DCDC2: variants seen among roughly 807,000 people sequenced by gnomAD.
DCDC2 encodes doublecortin domain-containing protein 2.
Under a neutral mutation model 50.2 loss-of-function variants are expected in DCDC2, and 40 were observed. The observed-to-expected ratio is 0.80, with a 90% CI of 0.62 to 1.04. DCDC2 has a LOEUF of 1.04. DCDC2 is among the 50% of genes least tolerant of loss of function. DCDC2 has a pLI of 0.00. For missense variants in DCDC2, 570 were observed against 581.9 expected (o/e 0.98, Z 0.21); for synonymous variants, 234 against 210.6 (o/e 1.11, Z -0.96).
chr6:24,257,278 G>GA (rs762842669), intron 7 of DCDC2, among the ~76,000 whole-genome samples: 1 of 152,168 alleles, frequency 6.6e-6, no homozygotes, highest in African/African-American at 2.4e-5. Flanking sequence ...CACAATGTGT[G>GA]AAAAAATTCA....
intron 2 of DCDC2, among the ~76,000 whole-genome samples, chr6:24,330,428 T>C (rs888039751): frequency 4.6e-5 from 7 of 152,310 alleles, no homozygotes; most frequent in African/African-American, 1.7e-4. Flanking sequence ...TCAGGTCACA[T>C]TGTACAAACA....
chr6:24,221,061 T>C lies in DCDC2; in HGVS notation c.923-15959A>G, dbSNP rs189436888. Among the ~76,000 whole-genome samples, 431 of 152,158 alleles carry C rather than the reference T, an allele frequency of 2.8e-3. 2 individuals are homozygous for C. The highest frequency in any genetic ancestry group is 9.4e-3 in the African/African-American group (389 of 41,514). On this transcript the variant is annotated intron_variant, in intron 7 of 9. Transcript: ENST00000378454. ...GGGGATGACAATTTTAGAAGAGATT[T>C]GGGTGGGGACACAGAGCCAAGCCAT...
intron 7 of DCDC2, among the ~76,000 whole-genome samples, chr6:24,247,936 T>C (rs1762717903): frequency 6.6e-6 from 1 of 151,984 alleles, no homozygotes; most frequent in Non-Finnish European, 1.5e-5. Context: ...ATTAGCTGGG[T>C]ATGGTGGCGG....
At chr6:24,296,491 G>A (rs1381693341) in intron 4 of DCDC2, among the ~76,000 whole-genome samples, 1 of 152,230 alleles carries the variant, frequency 6.6e-6, no homozygotes, top group Non-Finnish European at 1.5e-5. Context: ...AAACTTAAGA[G>A]CTTCTGCACA....
At chr6:24,272,735 G>C (rs1367048347) in intron 7 of DCDC2, among the ~76,000 whole-genome samples, 1 of 152,200 alleles carries the variant, frequency 6.6e-6, no homozygotes, top group Non-Finnish European at 1.5e-5. Context: ...CAAGGATGCA[G>C]AGAAAGGGCA....
At chr6:24,242,613 A>G (rs1762588341) in intron 7 of DCDC2, among the ~76,000 whole-genome samples, 1 of 152,226 alleles carries the variant, frequency 6.6e-6, no homozygotes, top group Non-Finnish European at 1.5e-5. Flanking sequence ...TGCCGAGGAC[A>G]GACTGTCACA....
chr6:24,298,910 T>C (rs73396023), intron 4 of DCDC2, among the ~76,000 whole-genome samples: 5,628 of 152,310 alleles, frequency 0.037, 307 homozygotes, highest in African/African-American at 0.13. Flanking sequence ...TCTAGACTTT[T>C]ATATCCTGAT....
At chr6:24,215,590 A>T (rs1447673474) in intron 7 of DCDC2, among the ~76,000 whole-genome samples, 3 of 152,214 alleles carry the variant, frequency 2.0e-5, no homozygotes, top group Non-Finnish European at 4.4e-5. Flanking sequence ...GCAAGACTGT[A>T]GAAAAGAATG....
At chr6:24,365,481 A>G in the DCDC2 span, among the ~76,000 whole-genome samples, 2 of 152,230 alleles carry the variant, frequency 1.3e-5, no homozygotes, top group African/African-American at 4.8e-5. Context: ...TAGTAGAGAC[A>G]GGGTTTCACC....
intron 2 of DCDC2, among the ~76,000 whole-genome samples, chr6:24,342,881 A>G (rs1760185149): frequency 6.6e-6 from 1 of 152,010 alleles, no homozygotes; most frequent in African/African-American, 2.4e-5. Flanking sequence ...TGGATTAATA[A>G]TCTCTGATAT....
intron 7 of DCDC2, among the ~76,000 whole-genome samples, chr6:24,262,252 G>A (rs555723326): frequency 1.9e-4 from 29 of 152,094 alleles, no homozygotes; most frequent in African/African-American, 6.7e-4. Context: ...AAAGCAACAT[G>A]GGGCAGAATT....
chr6:24,284,629 AT>A (rs1176480815), intron 6 of DCDC2, among the ~76,000 whole-genome samples: 5 of 144,114 alleles, frequency 3.5e-5, no homozygotes, highest in Admixed American at 1.4e-4. Context: ...AAAAAAAAAA[AT>A]TTTTTTTGAA....
chr6:24,271,573 T>C (rs1332450036), intron 7 of DCDC2, among the ~76,000 whole-genome samples: 2 of 152,176 alleles, frequency 1.3e-5, no homozygotes, highest in Non-Finnish European at 2.9e-5. Context: ...CAAACCCAGA[T>C]GGATCCCTGA....
At chr6:24,366,770 C>T in the DCDC2 span, among the ~76,000 whole-genome samples, 1 of 152,144 alleles carries the variant, frequency 6.6e-6, no homozygotes, top group Non-Finnish European at 1.5e-5. Flanking sequence ...TTTCTGACAA[C>T]ATGGTGAGCT....
upstream of DCDC2, among the ~76,000 whole-genome samples, chr6:24,358,880 TATATATATTTATATATATA>T (rs1760549976): frequency 1.7e-4 from 1 of 5,912 alleles, no homozygotes; most frequent in Non-Finnish European, 2.3e-4. Context: ...ATATATGTAT[TATATATATTTATATATATA>T]ATATATTATA....
At chr6:24,314,040 G>A (rs1202531638) in intron 2 of DCDC2, among the ~76,000 whole-genome samples, 1 of 152,092 alleles carries the variant, frequency 6.6e-6, no homozygotes, top group Non-Finnish European at 1.5e-5. Context: ...CACCAATATG[G>A]GTGACTTGCA....
At chr6:24,237,669 T>G (rs1157583629) in intron 7 of DCDC2, among the ~76,000 whole-genome samples, 1 of 152,196 alleles carries the variant, frequency 6.6e-6, no homozygotes, top group Non-Finnish European at 1.5e-5. Context: ...GGAATCAACC[T>G]AGGTGTCTAT....
chr6:24,301,483 T>C (rs1305286743), intron 4 of DCDC2, among the ~76,000 whole-genome samples: 5 of 152,062 alleles, frequency 3.3e-5, no homozygotes, highest in African/African-American at 1.2e-4. Flanking sequence ...ATCGTTAATA[T>C]TTGTAGATGT....
intron 7 of DCDC2, among the ~76,000 whole-genome samples, chr6:24,228,326 A>C (rs565307593): frequency 6.6e-6 from 1 of 152,362 alleles, no homozygotes; most frequent in African/African-American, 2.4e-5. Flanking sequence ...GGCACTGTTT[A>C]CAGCATTAAT....
Sources: allele counts gnomAD v4.1 joint callset (sites outside exome capture counted in the v4.1 genomes callset), GRCh38; gene constraint gnomAD v4.1.1; transcripts MANE v1.5; gene names NCBI Gene and HGNC (gene_info 2026-07-23, HGNC 2026-07-21).